The following FBN1 variants were observed in gnomAD, a reference collection of about 807,000 sequenced individuals.
The protein encoded by FBN1 is fibrillin-1.
Under a neutral mutation model 365.1 loss-of-function variants are expected in FBN1, and 29 were observed. The ratio of observed to expected loss-of-function variants is 0.08; its 90% CI spans 0.06 to 0.11. The LOEUF (loss-of-function observed/expected upper bound fraction) is 0.11, where lower values mean the gene tolerates loss of function less well. FBN1 is among the 10% of genes least tolerant of loss of function. The pLI is 1.00. For synonymous variants in FBN1, 1,210 were observed against 1,270.5 expected (o/e 0.95, Z 1.01); for missense variants, 2,476 against 3,703.2 (o/e 0.67, Z 8.60).
At chr15:48,422,141 C>T in intron 60 of FBN1, 73 bp from the exon 61 acceptor site, 2 of 1,010,572 alleles carry the variant, frequency 2.0e-6, no homozygotes, top group Non-Finnish European at 3.2e-6. Context: ...CCCTATGAAG[C>T]AGCTCCACGT....
intron 17 of FBN1, 103 bp from the exon 18 acceptor site, chr15:48,499,141 A>G: frequency 8.7e-7 from 1 of 1,150,580 alleles, no homozygotes; most frequent in Non-Finnish European, 1.3e-6. Context: ...GAGTAGAACC[A>G]AACTTAAGTG....
chr15:48,427,699 C>T lies in FBN1; in HGVS notation c.7072G>A (p.Val2358Ile), dbSNP rs140537304. 167 of 1,614,088 alleles carry T rather than the reference C, an allele frequency of 1.0e-4. 1 individual carries two copies. Among genetic ancestry groups the T allele is most frequent in the South Asian group, 8.9e-4 (81 of 91,084 alleles). ...TCACAGCAGCATTCCGATTTGGTGA[C>T]GGGGTTCCTGTTGCTGGAGCCGATC... ...CQIGSSNRNP[V>I]TKSECCCDGG... Residue 2358 changes from valine (V) to isoleucine (I), a missense_variant, in exon 58 of 66, where the codon GTC becomes ATC. Coordinates refer to ENST00000316623, the MANE Select transcript of FBN1 (RefSeq NM_000138.5).
chr15:48,497,535 T>A, intron 18 of FBN1, 144 bp from the exon 19 acceptor site: 1 of 754,576 alleles, frequency 1.3e-6, no homozygotes, highest in South Asian at 1.7e-5. Flanking sequence ...GAGAACACTC[T>A]GTCTCTTTTT....
intron 6 of FBN1, among the ~76,000 whole-genome samples, chr15:48,541,544 C>T (rs146146225): frequency 2.6e-5 from 4 of 152,214 alleles, no homozygotes; most frequent in Non-Finnish European, 4.4e-5. Flanking sequence ...AATGTCATTC[C>T]GATTTGGCGG....
At chr15:48,474,052 C>T (rs751634308) in intron 34 of FBN1, among the ~76,000 whole-genome samples, 1 of 152,098 alleles carries the variant, frequency 6.6e-6, no homozygotes, top group Non-Finnish European at 1.5e-5. Flanking sequence ...TATCTACCTA[C>T]GTATCTACCT....
intron 8 of FBN1, among the ~76,000 whole-genome samples, chr15:48,530,266 T>G (rs940345389): frequency 6.9e-6 from 1 of 145,524 alleles, no homozygotes; most frequent in East Asian, 2.1e-4. Context: ...GAGTCTGAAT[T>G]CTTATCCATG....
chr15:48,586,066 T>C (rs1178470114), intron 6 of FBN1, among the ~76,000 whole-genome samples: 3 of 152,212 alleles, frequency 2.0e-5, no homozygotes, highest in Non-Finnish European at 4.4e-5. Flanking sequence ...ATGCTCATTC[T>C]TTACCTCTTA....
At chr15:48,528,853 T>C (rs2043941222) in intron 8 of FBN1, 1 of 152,220 alleles carries the variant, frequency 6.6e-6, no homozygotes, top group African/African-American at 2.4e-5. Context: ...ACCACCTTGT[T>C]TCTCAGTGGC....
chr15:48,602,005 TCAC>T (rs2044571672), intron 4 of FBN1, among the ~76,000 whole-genome samples: 2 of 152,158 alleles, frequency 1.3e-5, no homozygotes, highest in African/African-American at 4.8e-5. Context: ...AGTCATTCAT[TCAC>T]TCAATGAACA....
chr15:48,504,090 A>G, intron 16 of FBN1, 151 bp from the exon 17 acceptor site: 1 of 980,210 alleles, frequency 1.0e-6, no homozygotes. Flanking sequence ...TGAAGAAAAA[A>G]TAAACAAAAA....
chr15:48,592,240 T>C lies in FBN1; in HGVS notation c.538+4043A>G, dbSNP rs554914093. On this transcript the variant is annotated intron_variant, in intron 6 of 65. Coordinates refer to ENST00000316623, the MANE Select transcript of FBN1 (RefSeq NM_000138.5). Reference sequence around the variant, plus strand: ...GTATCTCTTTGTTTCTCTTCTTCCCTAAGCCTATTCATCATCACACCCCAC... The same window carrying C: ...GTATCTCTTTGTTTCTCTTCTTCCCCAAGCCTATTCATCATCACACCCCAC... Among the ~76,000 whole-genome samples the C allele has an allele frequency of 7.9e-5, 12 of 152,290 alleles. 1 individual carries two copies. Among genetic ancestry groups the C allele is most frequent in the African/African-American group, 2.9e-4 (12 of 41,560 alleles).
At chr15:48,493,490 G>A (rs902344089) in intron 23 of FBN1, among the ~76,000 whole-genome samples, 2 of 152,022 alleles carry the variant, frequency 1.3e-5, no homozygotes, top group Non-Finnish European at 2.9e-5. Flanking sequence ...GTTTTGTTTT[G>A]GCCACTTGTA....
chr15:48,567,865 C>T (rs961648347), intron 6 of FBN1, among the ~76,000 whole-genome samples: 7 of 151,680 alleles, frequency 4.6e-5, no homozygotes, highest in African/African-American at 1.2e-4. Context: ...TACATAATGG[C>T]GAAATAACAA....
Position 48,471,647 on chromosome 15 carries a change from A to G in FBN1, c.4337-891T>C, listed in dbSNP as rs139054211. Among the ~76,000 whole-genome samples, 640 of 152,360 alleles carry G rather than the reference A, an allele frequency of 4.2e-3. 4 individuals carry two copies. Among genetic ancestry groups the G allele is most frequent in the Middle Eastern group, 6.8e-3 (2 of 294 alleles). ...AACAAAGAAAAGTATTCACATAAAA[A>G]TACATGAGGGAATTAGTATACATGT... On this transcript the variant is annotated intron_variant, in intron 35 of 65. Transcript: ENST00000316623.
At chr15:48,475,128 TCTTAAA>T (rs1393389673) in intron 32 of FBN1, among the ~76,000 whole-genome samples, 5 of 152,100 alleles carry the variant, frequency 3.3e-5, no homozygotes, top group South Asian at 2.1e-4. Flanking sequence ...TATATTTTAT[TCTTAAA>T]CTTAAAACAC....
In FBN1 at chr15:48,430,767, T is replaced by C; in HGVS notation, c.6775A>G (p.Thr2259Ala). Residue 2259 changes from threonine (T) to alanine (A), a missense_variant, in exon 56 of 66, where the codon ACT becomes GCT. Physicochemically the swap from Thr to Ala is moderately conservative, Grantham distance 58. Around this residue, in one of 5 missense-constraint regions of FBN1, gnomAD observed 1,780 missense variants for 2,840.8 expected, o/e 0.63. Coordinates refer to ENST00000316623, the MANE Select transcript of FBN1 (RefSeq NM_000138.5). ...DECEEGKHDC[T>A]EKQMECKNLI... ...TTCTTGCATTCCATTTGTTTTTCAG[T>C]ACAGTCATGTTTTCCCTCTTCACAC... 1 of 1,613,902 alleles carries C rather than the reference T, an allele frequency of 6.2e-7. No homozygotes were observed. The highest frequency in any genetic ancestry group is 8.5e-7 in the Non-Finnish European group (1 of 1,179,824).
At chr15:48,416,469 C>T (rs1250272467) in intron 63 of FBN1, among the ~76,000 whole-genome samples, 1 of 152,160 alleles carries the variant, frequency 6.6e-6, no homozygotes, top group Non-Finnish European at 1.5e-5. Flanking sequence ...AAACCAGCCT[C>T]CTGCCCAGAG....
intron 55 of FBN1, among the ~76,000 whole-genome samples, chr15:48,431,318 C>T (rs983258997): frequency 1.3e-5 from 2 of 151,882 alleles, no homozygotes; most frequent in Non-Finnish European, 2.9e-5. Flanking sequence ...CCAGTCTGGT[C>T]TCAAACTCCT....
chr15:48,480,606 T>C (rs942889551), intron 32 of FBN1, among the ~76,000 whole-genome samples: 1 of 152,182 alleles, frequency 6.6e-6, no homozygotes, highest in Non-Finnish European at 1.5e-5. Flanking sequence ...TACATATCAA[T>C]AAATTTGAAA....
Sources: gnomAD v4.1 joint callset for allele counts (sites outside exome capture counted in the v4.1 genomes callset) on GRCh38, gnomAD v4.1.1 for gene constraint, gnomAD v4.1.1 regional missense constraint, MANE v1.5 for transcripts, NCBI Gene and HGNC (gene_info 2026-07-23, HGNC 2026-07-21) for gene names.